Variants in DENND2B observed in about 807,000 individuals in gnomAD.
The protein encoded by DENND2B is DENN domain containing 2B.
A neutral mutation model predicts 116.0 loss-of-function variants in DENND2B; 32 were observed. The ratio of observed to expected loss-of-function variants is 0.28; its 90% CI spans 0.21 to 0.37. The LOEUF (loss-of-function observed/expected upper bound fraction) is 0.37, where lower values mean the gene tolerates loss of function less well. DENND2B is among the 10% of genes least tolerant of loss of function. The pLI, the probability that DENND2B is intolerant of heterozygous loss-of-function variation, is 1.00. For missense variants in DENND2B, 1,276 were observed against 1,477.7 expected, an observed-to-expected ratio of 0.86 and a Z score of 2.24; for synonymous variants, 588 against 583.9, an observed-to-expected ratio of 1.01 and a Z score of -0.10.
intron 1 of DENND2B, among the ~76,000 whole-genome samples, chr11:8,756,096 C>G (rs2053562305): frequency 6.6e-6 from 1 of 152,200 alleles, no homozygotes; most frequent in Non-Finnish European, 1.5e-5. Flanking sequence ...ATCACAGTAA[C>G]CATCACCATC....
rs927447663 is a variant in DENND2B, at chr11:8,707,831, C to T, written c.2376G>A (p.Leu792=). The change falls in exon 12 of 20, where the codon TTG becomes TTA. Residue 792 remains leucine, a synonymous_variant. Coordinates refer to ENST00000313726, the MANE Select transcript of DENND2B (RefSeq NM_213618.2). The surrounding 1 kb of genome is among the most constrained non-coding windows in gnomAD (Gnocchi z 4.8). ...RLLPSGKGPR[L]PEVYCVISRL... is the part of the protein sequence containing the mutation. ...GGCTGATGACACAGTACACCTCTGG[C>T]AACCGGGGCCCTTTCCCACTTGGCT... 4 of 1,611,158 alleles carry T rather than the reference C, an allele frequency of 2.5e-6. No homozygotes were observed. In the Admixed American group the frequency reaches 5.0e-5, roughly 20 times the overall value.
At chr11:8,738,025 A>G (rs1390541763) in intron 2 of DENND2B, among the ~76,000 whole-genome samples, 1 of 151,944 alleles carries the variant, frequency 6.6e-6, no homozygotes, top group South Asian at 2.1e-4. Flanking sequence ...CTGGGATTGC[A>G]GGCATGAACC....
Position 8,730,396 on chromosome 11 carries a change from C to A in DENND2B, c.894G>T (p.Arg298=). 6.2e-7 allele frequency: 1 copy of A among 1,605,838 alleles called. No homozygotes were observed. The highest frequency in any genetic ancestry group is 8.5e-7 in the Non-Finnish European group (1 of 1,179,978). ...AGCTGCTGGGGAGCTGGGGGAGCCC[C>A]CGGCCCGGCTGCTCCTTCAGGACCT... ...IEQVLKEQPG[R]GLPQLPSSCY... The change falls in exon 3 of 20, where the codon CGG becomes CGT. Residue 298 remains arginine, a synonymous_variant. Transcript: ENST00000313726. The surrounding 1 kb of genome is among the most constrained non-coding windows in gnomAD (Gnocchi z 4.1).
At chr11:8,806,485 C>T (rs1401520059) in intron 1 of DENND2B, among the ~76,000 whole-genome samples, 1 of 152,016 alleles carries the variant, frequency 6.6e-6, no homozygotes, top group Non-Finnish European at 1.5e-5. Context: ...ATAGTTTCAA[C>T]ACCCTCCCCA....
chr11:8,867,806 C>T (rs1243070129), intron 2 of DENND2B, among the ~76,000 whole-genome samples: 2 of 152,034 alleles, frequency 1.3e-5, no homozygotes, highest in African/African-American at 4.8e-5. Context: ...TGGTCTCCAA[C>T]TCCTGAGCTC....
chr11:8,836,413 CTTTTTTTTTTTTTT>C, intron 4 of DENND2B, among the ~76,000 whole-genome samples: 2 of 77,554 alleles, frequency 2.6e-5, no homozygotes, highest in South Asian at 5.9e-4. Flanking sequence ...TTCTGTACTT[CTTTTTTTTTTTTTT>C]TTTTTTTTTT....
chr11:8,771,000 C>T (rs1449005697), intron 1 of DENND2B, among the ~76,000 whole-genome samples: 1 of 152,200 alleles, frequency 6.6e-6, no homozygotes, highest in Non-Finnish European at 1.5e-5. Flanking sequence ...GTTTGCCCTG[C>T]CTGCAGTACA....
intron 1 of DENND2B, among the ~76,000 whole-genome samples, chr11:8,765,735 C>T (rs4929935): frequency 0.96 from 146,211 of 152,206 alleles, 70,499 homozygotes; most frequent in East Asian, 1. Flanking sequence ...TATAAATACT[C>T]AATTGTTTAA....
chr11:8,707,976 T>C lies in DENND2B; in HGVS notation c.2353-122A>G. On this transcript the variant is annotated intron_variant, in intron 11 of 19. Coordinates refer to ENST00000313726, the MANE Select transcript of DENND2B (RefSeq NM_213618.2). This position sits in a 1 kb window ranked among gnomAD's most constrained non-coding sequence, Gnocchi z 4.8. ...CTGCCCTTCTAGTGGAGGAAGACTTTAAGCCTCCTCTAAACCTCTCTGCAA... is the reference window on the plus strand; with the variant it reads ...CTGCCCTTCTAGTGGAGGAAGACTTCAAGCCTCCTCTAAACCTCTCTGCAA... 1.3e-6 allele frequency: 2 copies of C among 1,533,908 alleles called. No homozygotes were observed. The highest frequency in any genetic ancestry group is 1.2e-5 in the South Asian group (1 of 83,482).
At chr11:8,750,505 T>C in intron 2 of DENND2B, 116 bp downstream of exon 2, 4 of 876,822 alleles carry the variant, frequency 4.6e-6, no homozygotes, top group East Asian at 2.4e-5. Flanking sequence ...TGAGCTGGCC[T>C]AGACCAGTCA....
intron 1 of DENND2B, among the ~76,000 whole-genome samples, chr11:8,806,908 C>CTTTTTTTT (rs71059181): frequency 1.1e-4 from 16 of 146,468 alleles, no homozygotes; most frequent in Non-Finnish European, 1.5e-4. Flanking sequence ...GCCAGATGGT[C>CTTTTTTTT]TTTTTTTTTT....
At chr11:8,804,229 C>T (rs1428146613) in intron 1 of DENND2B, among the ~76,000 whole-genome samples, 2 of 152,192 alleles carry the variant, frequency 1.3e-5, no homozygotes, top group Non-Finnish European at 2.9e-5. Context: ...ACCTTCCTAA[C>T]GTGTAGGCCA....
intron 4 of DENND2B, among the ~76,000 whole-genome samples, chr11:8,833,315 C>G (rs1017973400): frequency 3.9e-5 from 6 of 152,080 alleles, no homozygotes; most frequent in Non-Finnish European, 7.4e-5. Flanking sequence ...AGATGCCTTC[C>G]TGTTATATAC....
chr11:8,729,906 A>T, intron 3 of DENND2B, 44 bp downstream of exon 3: 1 of 1,595,472 alleles, frequency 6.3e-7, no homozygotes, highest in Non-Finnish European at 8.5e-7. Context: ...TTTAAAAGAA[A>T]GCCACGGTAT....
Position 8,786,143 on chromosome 11 carries a change from T to C in DENND2B, c.-26+24374A>G, listed in dbSNP as rs1175857401. 2.0e-5 allele frequency among the ~76,000 whole-genome samples: 3 copies of C among 152,186 alleles called. No individual in the cohort carries two copies. In the East Asian group the frequency reaches 5.8e-4, roughly 29 times the overall value. ...AGGCTCCATTTTCTAGCAGATCACC[T>C]GAAAGCTACACAGATGTCATTAGCT... is the stretch of plus-strand genomic sequence containing the variant. On this transcript the variant is annotated intron_variant, in intron 1 of 19. Transcript: ENST00000313726.
At chr11:8,891,170 C>A (rs896677546) in intron 1 of DENND2B, among the ~76,000 whole-genome samples, 2 of 152,148 alleles carry the variant, frequency 1.3e-5, no homozygotes, top group Admixed American at 6.6e-5. Context: ...AAATAAAATT[C>A]TTTACAGACA....
At chr11:8,757,974 CAGAGCAGGAATGT>C (rs1263612405) in intron 1 of DENND2B, among the ~76,000 whole-genome samples, 1 of 152,166 alleles carries the variant, frequency 6.6e-6, no homozygotes, top group East Asian at 1.9e-4. Context: ...AGTGAAGGAA[CAGAGCAGGAATGT>C]AGACCCAGCT....
At chr11:8,750,006 C>T (rs989519642) in intron 2 of DENND2B, among the ~76,000 whole-genome samples, 3 of 152,180 alleles carry the variant, frequency 2.0e-5, no homozygotes, top group Admixed American at 6.5e-5. Flanking sequence ...AGCCATAATG[C>T]TAAGCACTGA....
upstream of DENND2B, among the ~76,000 whole-genome samples, chr11:8,814,079 C>T (rs1426618660): frequency 6.6e-6 from 1 of 152,156 alleles, no homozygotes; most frequent in Non-Finnish European, 1.5e-5. Context: ...ACTCTCCCTT[C>T]TTATTTCTGC....
Sources: allele counts gnomAD v4.1 joint callset (sites outside exome capture counted in the v4.1 genomes callset), GRCh38; gene constraint gnomAD v4.1.1; non-coding constraint Gnocchi (gnomAD v3.1); transcripts MANE v1.5; gene names NCBI Gene and HGNC (gene_info 2026-07-23, HGNC 2026-07-21).